The following KRTAP5-9 variants were observed in gnomAD, a reference collection of about 807,000 sequenced individuals.
KRTAP5-9 encodes the protein keratin-associated protein 5-9.
Under a neutral mutation model 3.0 loss-of-function variants are expected in KRTAP5-9, and 2 were observed. The observed-to-expected ratio is 0.67, with a 90% confidence interval of 0.27 to 2.09. The LOEUF (loss-of-function observed/expected upper bound fraction) is 2.09, where lower values mean the gene tolerates loss of function less well. KRTAP5-9 is among the 30% of genes most tolerant of loss of function. The pLI, the probability that KRTAP5-9 is intolerant of heterozygous loss-of-function variation, is 0.14. For missense variants in KRTAP5-9, 183 were observed against 204.2 expected (o/e 0.90, Z 0.63); for synonymous variants, 70 against 81.2 (o/e 0.86, Z 0.74).
At position 71,549,393 on chromosome 11, in the gene KRTAP5-9, A is replaced by T; in HGVS notation, c.*226A>T. 1 of 662,752 alleles carries T rather than the reference A, an allele frequency of 1.5e-6. No individual in the cohort carries two copies. The highest frequency in any genetic ancestry group is 2.8e-5 in the East Asian group (1 of 36,346). The allele number at this position is 662,752 out of a possible 1,614,324, so 41.1% of individuals were successfully genotyped here. A position where few individuals can be genotyped will look rare whatever the true frequency, so the allele number is the denominator to read the frequency against. On this transcript the variant is annotated 3_prime_UTR_variant, in exon 1 of 1. Transcript: ENST00000528743. ...TTTCCCACATGCCCCCATATGTCTG[A>T]GCCAAACTGCACTGGGGGCTGCCCT...
At position 71,549,419 on chromosome 11, in the gene KRTAP5-9, C is replaced by T. The variant is rs1449742794; in HGVS notation, c.*252C>T. On this transcript the variant is annotated 3_prime_UTR_variant, in exon 1 of 1. Coordinates refer to ENST00000528743, the MANE Select transcript of KRTAP5-9 (RefSeq NM_005553.4). ...GCCAAACTGCACTGGGGGCTGCCCT[C>T]ATGCCAAGCAAGAGCCTGGAATTCC... 4 of 600,466 alleles carry T rather than the reference C, an allele frequency of 6.7e-6. No individual in the cohort carries two copies. Among genetic ancestry groups the T allele is most frequent in the Non-Finnish European group, 1.2e-5 (4 of 333,510 alleles). 37.2% of individuals were successfully genotyped at this position (600,466 alleles called of 1,614,324 possible). A position where few individuals can be genotyped will look rare whatever the true frequency, so the allele number is the denominator to read the frequency against.
rs771824071 is a variant in KRTAP5-9 at position 71,548,742 on chromosome 11, A to AG, written c.89dup (p.Cys31LeufsTer26). 1.2e-6 allele frequency: 2 copies of AG among 1,613,012 alleles called. No individual in the cohort carries two copies. Among genetic ancestry groups the AG allele is most frequent in the Admixed American group, 3.3e-5 (2 of 60,016 alleles). On this transcript the variant is annotated frameshift_variant, in exon 1 of 1. Transcript: ENST00000528743. LOFTEE classifies it low-confidence loss of function (END_TRUNC). ...CTGTGGGAGCTGTGGCTCTGGCTGC[A>AG]GGGGCTGTGGCCCCAGCTGCTGTGC...
Position 71,548,891 on chromosome 11 carries a change from C to T in KRTAP5-9, c.234C>T (p.Ser78=), listed in dbSNP as rs1950109277. The T allele has an allele frequency of 6.2e-7, 1 of 1,614,192 alleles. No individual in the cohort carries two copies. The highest frequency in any genetic ancestry group is 8.5e-7 in the Non-Finnish European group (1 of 1,180,026). ...GAGGCTGTGGTTCTTGTGGCTGCTC[C>T]CAGTGCAGTTGCTGCAAGCCCTGCT... is the stretch of plus-strand genomic sequence containing the variant. The part of the protein sequence containing the change: ...SKGGCGSCGC[S]QCSCCKPCCC... The change falls in exon 1 of 1, where the codon TCC becomes TCT. Residue 78 remains serine (S), a synonymous_variant. Coordinates refer to ENST00000528743, the MANE Select transcript of KRTAP5-9 (RefSeq NM_005553.4).
In KRTAP5-9 at chr11:71,548,626, T is replaced by C; in HGVS notation, c.-32T>C. 1 of 1,593,982 alleles carries C rather than the reference T, an allele frequency of 6.3e-7. No homozygotes were observed. Among genetic ancestry groups the C allele is most frequent in the Non-Finnish European group, 8.5e-7 (1 of 1,171,622 alleles). ...CCTGCACCTCCTTCTCACCTGCTCC[T>C]CTACCTGCTCCACCCTCAATCCACC... On this transcript the variant is annotated 5_prime_UTR_variant, in exon 1 of 1. Coordinates refer to ENST00000528743, the MANE Select transcript of KRTAP5-9 (RefSeq NM_005553.4).
At position 71,549,564 on chromosome 11, in the gene KRTAP5-9, CA is replaced by C; in HGVS notation, c.*401del. On this transcript the variant is annotated 3_prime_UTR_variant, in exon 1 of 1. Coordinates refer to ENST00000528743, the MANE Select transcript of KRTAP5-9 (RefSeq NM_005553.4). The stretch of plus-strand genomic sequence containing the variant: ...ATGATCACATGTATCTATGGAAATC[CA>C]AAATGCATCTGGGTGCAGCACTAAA... 1 of 301,738 alleles carries C rather than the reference CA, an allele frequency of 3.3e-6. No individual in the cohort carries two copies. Among genetic ancestry groups the C allele is most frequent in the Non-Finnish European group, 6.5e-6 (1 of 152,914 alleles). 18.7% of individuals were successfully genotyped at this position (301,738 alleles called of 1,614,324 possible).
chr11:71,548,476 A>G lies in KRTAP5-9; in HGVS notation c.-182A>G. 1.6e-6 allele frequency: 2 copies of G among 1,281,680 alleles called. No individual in the cohort carries two copies. Among genetic ancestry groups the G allele is most frequent in the Non-Finnish European group, 2.2e-6 (2 of 929,292 alleles). 79.4% of individuals were successfully genotyped at this position (1,281,680 alleles called of 1,614,324 possible). A position where few individuals can be genotyped will look rare whatever the true frequency, so the allele number is the denominator to read the frequency against. Reference sequence around the variant, plus strand: ...GGGCTCATACTTGGATCCAGAAAATATCAACATAGCCAAAGAAAAACAATC... The same window carrying G: ...GGGCTCATACTTGGATCCAGAAAATGTCAACATAGCCAAAGAAAAACAATC... On this transcript the variant is annotated 5_prime_UTR_variant, in exon 1 of 1. The change creates a new upstream start codon in the 5' untranslated region. Transcript: ENST00000528743.
chr11:71,548,569 A>G lies in KRTAP5-9; in HGVS notation c.-89A>G. Reference sequence around the variant, plus strand: ...AAACAATGGTGTGTTCCTATGTGGGATATAAAGAGCCGGGGCTCAGGGGGC... The same window carrying G: ...AAACAATGGTGTGTTCCTATGTGGGGTATAAAGAGCCGGGGCTCAGGGGGC... On this transcript the variant is annotated 5_prime_UTR_variant, in exon 1 of 1. Coordinates refer to ENST00000528743, the MANE Select transcript of KRTAP5-9 (RefSeq NM_005553.4). 1.9e-6 allele frequency: 3 copies of G among 1,553,966 alleles called. No individual in the cohort carries two copies. Among genetic ancestry groups the G allele is most frequent in the Non-Finnish European group, 2.6e-6 (3 of 1,155,242 alleles).
rs1950112317 is a variant in KRTAP5-9, at chr11:71,549,364, CCT to C, written c.*200_*201del. 2.9e-5 allele frequency: 24 copies of C among 828,496 alleles called. 1 individual carries two copies. Among genetic ancestry groups the C allele is most frequent in the South Asian group, 2.6e-4 (14 of 54,362 alleles). The allele number at this position is 828,496 out of a possible 1,614,324, so 51.3% of individuals were successfully genotyped here. A position where few individuals can be genotyped will look rare whatever the true frequency, so the allele number is the denominator to read the frequency against. ...ATCCCAAGACCCAGGCAATTTTGCC[CCT>C]CTTTCCCACATGCCCCCATATGTCT... On this transcript the variant is annotated 3_prime_UTR_variant, in exon 1 of 1. Coordinates refer to ENST00000528743, the MANE Select transcript of KRTAP5-9 (RefSeq NM_005553.4).
At position 71,548,562 on chromosome 11, in the gene KRTAP5-9, A is replaced by C; in HGVS notation, c.-96A>C. ...GAAAGAGAAACAATGGTGTGTTCCT[A>C]TGTGGGATATAAAGAGCCGGGGCTC... On this transcript the variant is annotated 5_prime_UTR_variant, in exon 1 of 1. It removes an upstream start codon present in the reference 5' UTR. Transcript: ENST00000528743. 6.5e-7 allele frequency: 1 copy of C among 1,545,546 alleles called. No individual in the cohort carries two copies. Among genetic ancestry groups the C allele is most frequent in the Non-Finnish European group, 8.7e-7 (1 of 1,150,812 alleles).
Position 71,549,241 on chromosome 11 carries a change from C to T in KRTAP5-9, c.*74C>T. On this transcript the variant is annotated 3_prime_UTR_variant, in exon 1 of 1. Coordinates refer to ENST00000528743, the MANE Select transcript of KRTAP5-9 (RefSeq NM_005553.4). ...ACAAGTGACTACCCTTGAAGCACAT[C>T]CCCTTCTGGATCTGAAAAGAGCCCT... The T allele has an allele frequency of 6.3e-7, 1 of 1,593,386 alleles. No homozygotes were observed. The highest frequency in any genetic ancestry group is 8.6e-7 in the Non-Finnish European group (1 of 1,165,550).
Position 71,548,459 on chromosome 11 carries a change from A to C in KRTAP5-9, c.-199A>C. On this transcript the variant is annotated 5_prime_UTR_variant, in exon 1 of 1. Coordinates refer to ENST00000528743, the MANE Select transcript of KRTAP5-9 (RefSeq NM_005553.4). ...AATCATCTCAGGAGGAAGGGCTCAT[A>C]CTTGGATCCAGAAAATATCAACATA... 1.8e-6 allele frequency: 2 copies of C among 1,126,414 alleles called. No individual in the cohort carries two copies. The highest frequency in any genetic ancestry group is 1.3e-6 in the Non-Finnish European group (1 of 795,436). 69.8% of individuals were successfully genotyped at this position (1,126,414 alleles called of 1,614,324 possible).
rs117909539 is a variant in KRTAP5-9 at position 71,548,514 on chromosome 11, C to T, written c.-144C>T. On this transcript the variant is annotated 5_prime_UTR_variant, in exon 1 of 1. Coordinates refer to ENST00000528743, the MANE Select transcript of KRTAP5-9 (RefSeq NM_005553.4). ...AAGAAAAACAATCAAGACATACCTC[C>T]AGGAGCTGTGTAACAGCAACCGGAA... 2.9e-4 allele frequency: 426 copies of T among 1,466,710 alleles called. No individual in the cohort carries two copies. The highest frequency in any genetic ancestry group is 1.8e-3 in the Middle Eastern group (7 of 3,878). The allele number at this position is 1,466,710 out of a possible 1,614,324, so 90.9% of individuals were successfully genotyped here.
chr11:71,549,190 T>C lies in KRTAP5-9; in HGVS notation c.*23T>C, dbSNP rs762680150. The C allele has an allele frequency of 1.2e-6, 2 of 1,613,988 alleles. No homozygotes were observed. Among genetic ancestry groups the C allele is most frequent in the South Asian group, 2.2e-5 (2 of 91,072 alleles). The stretch of plus-strand genomic sequence containing the variant: ...TGAGGCTCTAGTGGGAAACCTCAGG[T>C]AGCTCCTGAAGATCTGTGCTTTCCA... On this transcript the variant is annotated 3_prime_UTR_variant, in exon 1 of 1. Coordinates refer to ENST00000528743, the MANE Select transcript of KRTAP5-9 (RefSeq NM_005553.4).
rs917522435 is a variant in KRTAP5-9, at chr11:71,549,087, T to A, written c.430T>A (p.Cys144Ser). 1.1e-5 allele frequency: 17 copies of A among 1,613,400 alleles called. No individual in the cohort carries two copies. In the African/African-American group the frequency reaches 2.3e-4, roughly 22 times the overall value. ...CCSSSGCGSS[C>S]CQSSCCKPCC... Reference sequence around the variant, plus strand: ...CTCATCCTCAGGCTGTGGGTCATCCTGCTGCCAGTCCAGCTGCTGCAAGCC... The same window carrying A: ...CTCATCCTCAGGCTGTGGGTCATCCAGCTGCCAGTCCAGCTGCTGCAAGCC... The change falls in exon 1 of 1, where the codon TGC (cysteine) becomes AGC (serine). Residue 144 changes from cysteine (C) to serine (S), a missense_variant. Cys to Ser is a moderately radical substitution (Grantham distance 112). Coordinates refer to ENST00000528743, the MANE Select transcript of KRTAP5-9 (RefSeq NM_005553.4).
chr11:71,549,129 A>C lies in KRTAP5-9; in HGVS notation c.472A>C (p.Arg158=), dbSNP rs754015421. 2 of 1,614,078 alleles carry C rather than the reference A, an allele frequency of 1.2e-6. No homozygotes were observed. Among genetic ancestry groups the C allele is most frequent in the Non-Finnish European group, 1.7e-6 (2 of 1,180,036 alleles). ...CTGCAAGCCCTGCTGCTCCCAGTCC[A>C]GATGCTGTGTCCCTGTGTGCTACCA... is the stretch of plus-strand genomic sequence containing the variant. ...SCCKPCCSQS[R]CCVPVCYQCK... Residue 158 remains arginine, a synonymous_variant, in exon 1 of 1, where the codon AGA becomes CGA. Coordinates refer to ENST00000528743, the MANE Select transcript of KRTAP5-9 (RefSeq NM_005553.4).
rs775797685 is a variant in KRTAP5-9, at chr11:71,548,856, G to A, written c.199G>A (p.Gly67Ser). The change falls in exon 1 of 1, where the codon GGC (glycine) becomes AGC (serine). Residue 67 changes from glycine (G) to serine (S), a missense_variant. Physicochemically the swap from Gly to Ser is moderately conservative, Grantham distance 56 (BLOSUM62 0). Transcript: ENST00000528743. ...CAAGCGGGGCTGTGGCTCCTGTGGG[G>A]GCTCCAAGGGAGGCTGTGGTTCTTG... ...CGKRGCGSCGGSKGGCGSCGC... is the reference protein window; with the variant it reads ...CGKRGCGSCGSSKGGCGSCGC... 3.1e-6 allele frequency: 5 copies of A among 1,614,140 alleles called. No individual in the cohort carries two copies. The South Asian group carries it at 5.5e-5, about 18-fold the overall frequency.
In KRTAP5-9 at chr11:71,549,332, T is replaced by C. The variant is rs971700653; in HGVS notation, c.*165T>C. 7 of 1,061,284 alleles carry C rather than the reference T, an allele frequency of 6.6e-6. No homozygotes were observed. The African/African-American group carries it at 1.1e-4, about 17-fold the overall frequency. 65.7% of individuals were successfully genotyped at this position (1,061,284 alleles called of 1,614,324 possible). A position where few individuals can be genotyped will look rare whatever the true frequency, so the allele number is the denominator to read the frequency against. On this transcript the variant is annotated 3_prime_UTR_variant, in exon 1 of 1. Transcript: ENST00000528743. ...TGAACCACTCCCTGCCCATTCCCTA[T>C]AAGAATATCCCAAGACCCAGGCAAT...
rs1950106259 is a variant in KRTAP5-9, at chr11:71,548,448, G to A, written c.-210G>A. 9.8e-7 allele frequency: 1 copy of A among 1,022,704 alleles called. No individual in the cohort carries two copies. Among genetic ancestry groups the A allele is most frequent in the East Asian group, 2.6e-5 (1 of 38,828 alleles). 63.4% of individuals were successfully genotyped at this position (1,022,704 alleles called of 1,614,324 possible). A position where few individuals can be genotyped will look rare whatever the true frequency, so the allele number is the denominator to read the frequency against. On this transcript the variant is annotated 5_prime_UTR_variant, in exon 1 of 1. Transcript: ENST00000528743. ...TTCCACAAGGAAATCATCTCAGGAG[G>A]AAGGGCTCATACTTGGATCCAGAAA...
chr11:71,549,413 T>A lies in KRTAP5-9; in HGVS notation c.*246T>A. On this transcript the variant is annotated 3_prime_UTR_variant, in exon 1 of 1. Coordinates refer to ENST00000528743, the MANE Select transcript of KRTAP5-9 (RefSeq NM_005553.4). ...GTCTGAGCCAAACTGCACTGGGGGCTGCCCTCATGCCAAGCAAGAGCCTGG... is the reference window on the plus strand; with the variant it reads ...GTCTGAGCCAAACTGCACTGGGGGCAGCCCTCATGCCAAGCAAGAGCCTGG... 4.9e-6 allele frequency: 3 copies of A among 608,388 alleles called. No individual in the cohort carries two copies. Among genetic ancestry groups the A allele is most frequent in the Non-Finnish European group, 5.9e-6 (2 of 338,830 alleles). 37.7% of individuals were successfully genotyped at this position (608,388 alleles called of 1,614,324 possible).
Sources: gnomAD v4.1 joint callset for allele counts on GRCh38, gnomAD v4.1.1 for gene constraint, MANE v1.5 for transcripts, NCBI Gene and HGNC (gene_info 2026-07-23, HGNC 2026-07-21) for gene names.